HS3ST3A1: variants seen among roughly 807,000 people sequenced by gnomAD.
The protein encoded by HS3ST3A1 is heparan sulfate glucosamine 3-O-sulfotransferase 3A1.
HS3ST3A1 carries 19 observed loss-of-function variants against 25.7 expected under a neutral mutation model. That is an observed-to-expected ratio of 0.74 (90% CI 0.52 to 1.08). The LOEUF (loss-of-function observed/expected upper bound fraction) is 1.08, where lower values mean the gene tolerates loss of function less well. Ranked by LOEUF, HS3ST3A1 falls within the 50% of genes least tolerant of loss-of-function variation. The pLI is 0.00. For synonymous variants in HS3ST3A1, 226 were observed against 278.6 expected (o/e 0.81, Z 1.88); for missense variants, 459 against 594.3 (o/e 0.77, Z 2.37).
rs75942543 is a variant in HS3ST3A1 at position 13,589,725 on chromosome 17, T to C, written c.599+10806A>G. ...TTTCTGTTTACTTTGTTTAAAGCTT[T>C]GTCTGTGAAATGAAATCACTGCATC... On this transcript the variant is annotated intron_variant, in intron 1 of 1. Coordinates refer to ENST00000284110, the MANE Select transcript of HS3ST3A1 (RefSeq NM_006042.3). Among the ~76,000 whole-genome samples the C allele has an allele frequency of 2.6e-3, 400 of 152,348 alleles. 6 individuals carry two copies. The highest frequency in any genetic ancestry group is 3.5e-3 in the Non-Finnish European group (237 of 68,032).
At chr17:13,540,788 C>T (rs1906909727) in intron 1 of HS3ST3A1, among the ~76,000 whole-genome samples, 1 of 152,178 alleles carries the variant, frequency 6.6e-6, no homozygotes, top group African/African-American at 2.4e-5. Flanking sequence ...GCATTCATTC[C>T]CCTTAGGGGC....
Position 13,592,358 on chromosome 17 carries a change from C to A in HS3ST3A1, c.599+8173G>T, listed in dbSNP as rs558524873. The stretch of plus-strand genomic sequence containing the variant: ...ACAGATCATTCCGCATCATCCAGCA[C>A]ATAGTGTAGCCTCAACAAATACAGT... On this transcript the variant is annotated intron_variant, in intron 1 of 1. Transcript: ENST00000284110. 1.0e-3 allele frequency among the ~76,000 whole-genome samples: 155 copies of A among 152,304 alleles called. 1 individual carries two copies. The highest frequency in any genetic ancestry group is 3.5e-3 in the African/African-American group (147 of 41,556).
chr17:13,600,952 C>A lies in HS3ST3A1; in HGVS notation c.178G>T (p.Gly60Cys), dbSNP rs1172054155. ...SGPVVGLSGG[G>C]EEAGAPGGGV... ...CCACCAGGGGCCCCCGCCTCCTCGC[C>A]GCCGCCGGACAGCCCCACGACGGGG... Residue 60 changes from glycine (G) to cysteine (C), a missense_variant, in exon 1 of 2, where the codon GGC becomes TGC. By Grantham distance (159) the Gly-to-Cys change is radical. Around this residue, in one of 3 missense-constraint regions of HS3ST3A1, gnomAD observed 346 missense variants for 303.9 expected, o/e 1.14. Transcript: ENST00000284110. 5 of 1,537,822 alleles carry A rather than the reference C, an allele frequency of 3.3e-6. No individual in the cohort carries two copies. The highest frequency in any genetic ancestry group is 4.4e-6 in the Non-Finnish European group (5 of 1,142,294).
intron 1 of HS3ST3A1, among the ~76,000 whole-genome samples, chr17:13,509,929 G>C (rs1905807557): frequency 6.6e-6 from 1 of 152,150 alleles, no homozygotes; most frequent in South Asian, 2.1e-4. Context: ...GAAATATAAT[G>C]TGCCCAGGGC....
intron 1 of HS3ST3A1, among the ~76,000 whole-genome samples, chr17:13,593,821 T>C (rs1327097862): frequency 3.3e-5 from 5 of 152,192 alleles, no homozygotes; most frequent in Admixed American, 1.3e-4. Flanking sequence ...CCTAGAACAG[T>C]ACAACGATCA....
At chr17:13,521,785 T>A (rs1389657191) in intron 1 of HS3ST3A1, among the ~76,000 whole-genome samples, 1 of 152,214 alleles carries the variant, frequency 6.6e-6, no homozygotes, top group African/African-American at 2.4e-5. Flanking sequence ...AACCCTAGGA[T>A]TGAGGGAAGT....
At chr17:13,535,533 C>T (rs557120526) in intron 1 of HS3ST3A1, among the ~76,000 whole-genome samples, 29 of 152,182 alleles carry the variant, frequency 1.9e-4, no homozygotes, top group African/African-American at 6.7e-4. Flanking sequence ...TGGGCATGCC[C>T]ACAAATGACT....
intron 1 of HS3ST3A1, among the ~76,000 whole-genome samples, chr17:13,508,243 A>G (rs1323180885): frequency 6.6e-6 from 1 of 152,228 alleles, no homozygotes; most frequent in Non-Finnish European, 1.5e-5. Flanking sequence ...TATTCTCACT[A>G]GTCTTTATGA....
intron 1 of HS3ST3A1, among the ~76,000 whole-genome samples, chr17:13,539,915 C>T (rs866581241): frequency 5.9e-5 from 9 of 152,296 alleles, no homozygotes; most frequent in African/African-American, 2.2e-4. Context: ...TGAGATTCCA[C>T]CCATTTGCTC....
At position 13,531,715 on chromosome 17, in the gene HS3ST3A1, A is replaced by G. The variant is rs539095766; in HGVS notation, c.600-34897T>C. Among the ~76,000 whole-genome samples the G allele has an allele frequency of 3.9e-5, 6 of 152,264 alleles. No individual in the cohort carries two copies. The East Asian group carries it at 1.2e-3, about 29-fold the overall frequency. ...TTGGCTTCAGCTTCATTACTTCATG[A>G]TATATCTCCCTTGACATTTAATTAT... is the stretch of plus-strand genomic sequence containing the variant. On this transcript the variant is annotated intron_variant, in intron 1 of 1. Transcript: ENST00000284110.
chr17:13,527,939 G>A lies in HS3ST3A1; in HGVS notation c.600-31121C>T, dbSNP rs560433565. The stretch of plus-strand genomic sequence containing the variant: ...TACAATGACCTACTGCAGATATCAC[G>A]ATATCACTAATAATGTTCTTATTTT... On this transcript the variant is annotated intron_variant, in intron 1 of 1. Coordinates refer to ENST00000284110, the MANE Select transcript of HS3ST3A1 (RefSeq NM_006042.3). Among the ~76,000 whole-genome samples the A allele has an allele frequency of 7.9e-5, 12 of 152,212 alleles. No homozygotes were observed. The South Asian group carries it at 1.5e-3, about 18-fold the overall frequency.
intron 1 of HS3ST3A1, among the ~76,000 whole-genome samples, chr17:13,598,364 A>T (rs1908636381): frequency 6.6e-6 from 1 of 152,228 alleles, no homozygotes; most frequent in South Asian, 2.1e-4. Flanking sequence ...TCATTAAATA[A>T]TCACATAATC....
At chr17:13,497,332 C>T (rs567159697) in intron 1 of HS3ST3A1, among the ~76,000 whole-genome samples, 1 of 152,296 alleles carries the variant, frequency 6.6e-6, no homozygotes, top group South Asian at 2.1e-4. Flanking sequence ...AGTTTTCCTG[C>T]AACAAACAAG....
chr17:13,496,819 C>T lies in HS3ST3A1; in HGVS notation c.600-1G>A. 1 of 1,609,258 alleles carries T rather than the reference C, an allele frequency of 6.2e-7. No homozygotes were observed. Among genetic ancestry groups the T allele is most frequent in the Non-Finnish European group, 8.5e-7 (1 of 1,177,384 alleles). On this transcript the variant is annotated splice_acceptor_variant, in intron 1 of 1. Coordinates refer to ENST00000284110, the MANE Select transcript of HS3ST3A1 (RefSeq NM_006042.3). LOFTEE classifies it high-confidence loss of function. ...GTCCAGGGTTCTGGGCATCAGGTCCCTGAGAAACGCAAAAAGGCATGTCAG... is the reference window on the plus strand; with the variant it reads ...GTCCAGGGTTCTGGGCATCAGGTCCTTGAGAAACGCAAAAAGGCATGTCAG...
At chr17:13,564,719 CTTTTTTTTT>C (rs397812904) in intron 1 of HS3ST3A1, among the ~76,000 whole-genome samples, 1 of 124,322 alleles carries the variant, frequency 8.0e-6, no homozygotes, top group East Asian at 2.3e-4. Context: ...GACTTCTTTC[CTTTTTTTTT>C]TTTTTTTTTT....
At chr17:13,585,402 GT>G (rs1018256022) in intron 1 of HS3ST3A1, among the ~76,000 whole-genome samples, 3 of 151,058 alleles carry the variant, frequency 2.0e-5, no homozygotes, top group Admixed American at 2.0e-4. Context: ...GTTTCACCAT[GT>G]TGACCAGGCT....
chr17:13,496,767 G>A lies in HS3ST3A1; in HGVS notation c.651C>T (p.Pro217=). The A allele has an allele frequency of 1.2e-6, 2 of 1,614,062 alleles. No homozygotes were observed. Among genetic ancestry groups the A allele is most frequent in the East Asian group, 4.5e-5 (2 of 44,876 alleles). Residue 217 remains proline, a synonymous_variant, in exon 2 of 2, where the codon CCC becomes CCT. Transcript: ENST00000284110. Reference sequence around the variant, plus strand: ...GGGCCTCCCGCGTGACGAAGTAACTGGGCGTCTTCTCCATGGTGATCTGCC... The same window carrying A: ...GGGCCTCCCGCGTGACGAAGTAACTAGGCGTCTTCTCCATGGTGATCTGCC... ...LDGQITMEKT[P]SYFVTREAPA... is the part of the protein sequence containing the mutation.
intron 1 of HS3ST3A1, among the ~76,000 whole-genome samples, chr17:13,561,671 G>C (rs1415741815): frequency 6.6e-6 from 1 of 152,028 alleles, no homozygotes; most frequent in African/African-American, 2.4e-5. Context: ...GGATTACAGG[G>C]GTGAGCCACT....
chr17:13,600,216 CTTT>C (rs11289469), intron 1 of HS3ST3A1, among the ~76,000 whole-genome samples: 2 of 148,996 alleles, frequency 1.3e-5, no homozygotes, highest in Non-Finnish European at 3.0e-5. Flanking sequence ...TTAGAAGAGA[CTTT>C]TTTTTTTTCC....
Sources: allele counts gnomAD v4.1 joint callset (sites outside exome capture counted in the v4.1 genomes callset), GRCh38; gene constraint gnomAD v4.1.1; regional missense constraint gnomAD v4.1.1; transcripts MANE v1.5; gene names NCBI Gene and HGNC (gene_info 2026-07-23, HGNC 2026-07-21).